Variants in ST8SIA6 observed in about 807,000 individuals in gnomAD.
ST8SIA6 encodes the protein ST8 alpha-N-acetyl-neuraminide alpha-2,8-sialyltransferase 6, also known as alpha-2,8-sialyltransferase 8F.
Under a neutral mutation model 33.6 loss-of-function variants are expected in ST8SIA6, and 39 were observed. That is an observed-to-expected ratio of 1.16 (90% CI 0.90 to 1.52). The LOEUF (loss-of-function observed/expected upper bound fraction) is 1.52, where lower values mean the gene tolerates loss of function less well. ST8SIA6 is among the 40% of genes most tolerant of loss of function. ST8SIA6 has a pLI of 0.00. For synonymous variants in ST8SIA6, 172 were observed against 167.2 expected, an observed-to-expected ratio of 1.03 and a Z score of -0.22; for missense variants, 441 against 443.8, an observed-to-expected ratio of 0.99 and a Z score of 0.06.
At chr10:17,364,028 A>G (rs1849480465) in intron 3 of ST8SIA6, among the ~76,000 whole-genome samples, 1 of 152,002 alleles carries the variant, frequency 6.6e-6, no homozygotes, top group Non-Finnish European at 1.5e-5. Flanking sequence ...GTACTACCTT[A>G]GCAAATTAAA....
intron 2 of ST8SIA6, among the ~76,000 whole-genome samples, chr10:17,426,676 C>T (rs898307674): frequency 2.0e-5 from 3 of 152,176 alleles, no homozygotes; most frequent in Non-Finnish European, 2.9e-5. Flanking sequence ...TGAGGGGCTA[C>T]GGGCTGAGCC....
At position 17,324,594 on chromosome 10, in the gene ST8SIA6, G is replaced by A. The variant is rs117011303; in HGVS notation, c.636-1437C>T. ...TATAGAGGAAATACAATAAGTTTTG[G>A]CTTAAAACTTAAAAGAAAAATATCT... On this transcript the variant is annotated intron_variant, in intron 6 of 7. Transcript: ENST00000377602. Among the ~76,000 whole-genome samples, 5 of 151,440 alleles carry A rather than the reference G, an allele frequency of 3.3e-5. No homozygotes were observed. In the East Asian group the frequency reaches 9.7e-4, roughly 29 times the overall value.
At position 17,331,413 on chromosome 10, in the gene ST8SIA6, G is replaced by A; in HGVS notation, c.517C>T (p.Pro173Ser). 6.2e-7 allele frequency: 1 copy of A among 1,612,080 alleles called. No homozygotes were observed. Among genetic ancestry groups the A allele is most frequent in the Non-Finnish European group, 8.5e-7 (1 of 1,179,368 alleles). Residue 173 changes from proline (P) to serine (S), a missense_variant, in exon 5 of 8, where the codon CCA becomes TCA. Physicochemically the swap from Pro to Ser is moderately conservative, Grantham distance 74 (BLOSUM62 -1). Coordinates refer to ENST00000377602, the MANE Select transcript of ST8SIA6 (RefSeq NM_001004470.3). ...PIKKNIFHMF[P>S]VSQPFVDYPY... The stretch of plus-strand genomic sequence containing the variant: ...CACCAGAAACCTTTACTCACCACTG[G>A]AAACATATGAAAAATGTTCTTCTTA...
chr10:17,371,353 T>C (rs1174189158), intron 3 of ST8SIA6, among the ~76,000 whole-genome samples: 1 of 152,104 alleles, frequency 6.6e-6, no homozygotes, highest in Non-Finnish European at 1.5e-5. Flanking sequence ...AATTTGAGAA[T>C]TGTCAGTATG....
chr10:17,370,035 C>T (rs1433464820), intron 3 of ST8SIA6, among the ~76,000 whole-genome samples: 5 of 150,894 alleles, frequency 3.3e-5, no homozygotes, highest in Non-Finnish European at 5.9e-5. Context: ...TCTGTCGCTG[C>T]AGTGGCATGA....
At chr10:17,417,292 T>C (rs1482364636) in intron 2 of ST8SIA6, among the ~76,000 whole-genome samples, 1 of 152,062 alleles carries the variant, frequency 6.6e-6, no homozygotes, top group Non-Finnish European at 1.5e-5. Context: ...TAGGCCCACT[T>C]CTAACACTGA....
At chr10:17,376,300 C>A (rs1200306921) in intron 3 of ST8SIA6, among the ~76,000 whole-genome samples, 1 of 152,100 alleles carries the variant, frequency 6.6e-6, no homozygotes, top group East Asian at 1.9e-4. Flanking sequence ...GGAAAAGCCA[C>A]CCAGGAGCGT....
chr10:17,410,087 T>A (rs973218850), intron 2 of ST8SIA6: 8 of 152,306 alleles, frequency 5.3e-5, no homozygotes, highest in South Asian at 2.1e-4. Context: ...AGAATCCTAA[T>A]ATGCTGGTTT....
rs1360235189 is a variant in ST8SIA6 at position 17,359,435 on chromosome 10, A to G, written c.377+79T>C. ...GGGGTTGGTTCTACTTCTCTTTTTA[A>G]TAACATATTGCCTATTTTTCTACAA... On this transcript the variant is annotated intron_variant, in intron 4 of 7. Coordinates refer to ENST00000377602, the MANE Select transcript of ST8SIA6 (RefSeq NM_001004470.3). The G allele has an allele frequency of 8.6e-6, 10 of 1,165,718 alleles. No individual in the cohort carries two copies. The East Asian group carries it at 2.4e-4, about 27-fold the overall frequency. 72.2% of individuals were successfully genotyped at this position (1,165,718 alleles called of 1,614,324 possible). A position where few individuals can be genotyped will look rare whatever the true frequency, so the allele number is the denominator to read the frequency against.
intron 2 of ST8SIA6, among the ~76,000 whole-genome samples, chr10:17,451,758 A>G (rs1178396413): frequency 6.6e-6 from 1 of 152,196 alleles, no homozygotes; most frequent in Non-Finnish European, 1.5e-5. Context: ...AGTATGGTGG[A>G]TTAAAACTTG....
intron 2 of ST8SIA6, among the ~76,000 whole-genome samples, chr10:17,432,054 G>C (rs1852118801): frequency 6.6e-6 from 1 of 152,156 alleles, no homozygotes; most frequent in Non-Finnish European, 1.5e-5. Flanking sequence ...GGGTATCTGG[G>C]GGATGCTCAT....
At chr10:17,336,984 G>A (rs1023941005) in intron 4 of ST8SIA6, among the ~76,000 whole-genome samples, 2 of 152,126 alleles carry the variant, frequency 1.3e-5, no homozygotes, top group Non-Finnish European at 2.9e-5. Context: ...GTTTGGGTCT[G>A]TGTCCTCATC....
intron 2 of ST8SIA6, among the ~76,000 whole-genome samples, chr10:17,406,781 G>A (rs955942608): frequency 3.3e-5 from 5 of 150,526 alleles, no homozygotes; most frequent in South Asian, 4.2e-4. Context: ...TTCTGAAACC[G>A]AGGGCTAATC....
intron 2 of ST8SIA6, among the ~76,000 whole-genome samples, chr10:17,441,577 G>A (rs750538749): frequency 6.6e-6 from 1 of 152,090 alleles, no homozygotes; most frequent in Non-Finnish European, 1.5e-5. Flanking sequence ...CCAAAGTGCT[G>A]GGATTACAGG....
In ST8SIA6 at chr10:17,318,895, T is replaced by C. The variant is rs2131566199; in HGVS notation, c.*1983A>G. Among the ~76,000 whole-genome samples the C allele has an allele frequency of 6.6e-6, 1 of 152,280 alleles. No individual in the cohort carries two copies. Among genetic ancestry groups the C allele is most frequent in the South Asian group, 2.1e-4 (1 of 4,834 alleles). On this transcript the variant is annotated 3_prime_UTR_variant, in exon 8 of 8. Coordinates refer to ENST00000377602, the MANE Select transcript of ST8SIA6 (RefSeq NM_001004470.3). ...TCTGTTTTGGAACAAAAGAACATTA[T>C]TGGCACCTCACAGCAGGATATATGG... is the stretch of plus-strand genomic sequence containing the variant.
chr10:17,432,418 C>T (rs1852129037), intron 2 of ST8SIA6, among the ~76,000 whole-genome samples: 1 of 152,208 alleles, frequency 6.6e-6, no homozygotes, highest in Non-Finnish European at 1.5e-5. Context: ...TCCTTTTCCA[C>T]CCCACGCATT....
chr10:17,452,412 T>TAAAAAAGAGGAAAAAAGAGATA (rs1299774995), intron 2 of ST8SIA6, among the ~76,000 whole-genome samples: 6 of 151,968 alleles, frequency 3.9e-5, no homozygotes, highest in Non-Finnish European at 5.9e-5. Context: ...TTGCAAGAGA[T>TAAAAAAGAGGAAAAAAGAGATA]AAAAAGAGGA....
At chr10:17,439,887 A>C (rs905596608) in intron 2 of ST8SIA6, among the ~76,000 whole-genome samples, 21 of 152,252 alleles carry the variant, frequency 1.4e-4, no homozygotes, top group Non-Finnish European at 2.9e-4. Context: ...GTTCCTACAA[A>C]GTTCATGAAC....
At chr10:17,439,429 A>T (rs913485665) in intron 2 of ST8SIA6, among the ~76,000 whole-genome samples, 2 of 152,008 alleles carry the variant, frequency 1.3e-5, no homozygotes, top group African/African-American at 4.8e-5. Context: ...AGAGGCACCC[A>T]CCATCACATC....
Sources: allele counts gnomAD v4.1 joint callset (sites outside exome capture counted in the v4.1 genomes callset), GRCh38; gene constraint gnomAD v4.1.1; transcripts MANE v1.5; gene names NCBI Gene and HGNC (gene_info 2026-07-23, HGNC 2026-07-21).